The following PARD3B variants were observed in gnomAD, a reference collection of about 807,000 sequenced individuals.
PARD3B encodes the protein par-3 family cell polarity regulator beta.
In PARD3B, 103 loss-of-function variants were observed where a neutral mutation model predicts 130.2. The ratio of observed to expected loss-of-function variants is 0.79; its 90% CI spans 0.67 to 0.93. The LOEUF (loss-of-function observed/expected upper bound fraction) is 0.93, where lower values mean the gene tolerates loss of function less well. Ranked by LOEUF, PARD3B falls within the 40% of genes least tolerant of loss-of-function variation. The pLI, the probability that PARD3B is intolerant of heterozygous loss-of-function variation, is 0.00. For synonymous variants in PARD3B, 583 were observed against 553.2 expected, an observed-to-expected ratio of 1.05 and a Z score of -0.76; for missense variants, 1,609 against 1,499.2, an observed-to-expected ratio of 1.07 and a Z score of -1.21.
At chr2:205,613,579 G>A (rs1174922650) in intron 22 of PARD3B, among the ~76,000 whole-genome samples, 3 of 152,200 alleles carry the variant, frequency 2.0e-5, no homozygotes, top group Non-Finnish European at 4.4e-5. Flanking sequence ...TGTCATGGGC[G>A]ATTTAAAATA....
chr2:205,547,345 T>A (rs1038278382), intron 21 of PARD3B, among the ~76,000 whole-genome samples: 2 of 152,164 alleles, frequency 1.3e-5, no homozygotes, highest in African/African-American at 4.8e-5. Flanking sequence ...ACCATCTCAT[T>A]GCCGATTCCA....
chr2:205,051,075 G>T (rs942904734), intron 4 of PARD3B, among the ~76,000 whole-genome samples: 6 of 152,096 alleles, frequency 3.9e-5, no homozygotes, highest in Admixed American at 3.9e-4. Context: ...AGGAAACCTT[G>T]GGAACATAAC....
At position 205,121,407 on chromosome 2, in the gene PARD3B, G is replaced by A. The variant is rs2030699876; in HGVS notation, c.807-184G>A. On this transcript the variant is annotated intron_variant, in intron 7 of 22. Transcript: ENST00000406610. The surrounding 1 kb of genome is among the most constrained non-coding windows in gnomAD (Gnocchi z 5.0). ...AATGCATGTATAAGCTAGTGCAGGG[G>A]CACCTAGTGCAAATAGTAAGTGGTA... 6.6e-6 allele frequency among the ~76,000 whole-genome samples: 1 copy of A among 152,166 alleles called. No individual in the cohort carries two copies. The highest frequency in any genetic ancestry group is 2.4e-5 in the African/African-American group (1 of 41,446).
At chr2:205,057,521 G>A (rs60055320) in intron 4 of PARD3B, among the ~76,000 whole-genome samples, 64,138 of 127,712 alleles carry the variant, frequency 0.5, 17,468 homozygotes, top group Admixed American at 0.57. Context: ...GTATGTGCAT[G>A]TGTATATATA....
chr2:204,775,736 C>G (rs955634737), intron 2 of PARD3B, among the ~76,000 whole-genome samples: 2 of 152,166 alleles, frequency 1.3e-5, no homozygotes, highest in Non-Finnish European at 2.9e-5. Context: ...ACTTGGCTGT[C>G]TCTTCTAGTT....
intron 18 of PARD3B, among the ~76,000 whole-genome samples, chr2:205,365,162 T>A (rs758041432): frequency 3.6e-4 from 53 of 146,858 alleles, no homozygotes; most frequent in Non-Finnish European, 7.1e-4. Context: ...ATAGTGCCAT[T>A]GTACTCCAGC....
In PARD3B at chr2:205,589,514, C is replaced by T. The variant is rs2106593296; in HGVS notation, c.3261-25942C>T. On this transcript the variant is annotated intron_variant, in intron 22 of 22. Coordinates refer to ENST00000406610, the MANE Select transcript of PARD3B (RefSeq NM_001302769.2). This position sits in a 1 kb window ranked among gnomAD's most constrained non-coding sequence, Gnocchi z 4.1. ...CTAATCAAGGTGCATGTTTCTGTGT[C>T]TGGAAGTAGGAGCAGGCTGGAAGAG... 6.6e-6 allele frequency among the ~76,000 whole-genome samples: 1 copy of T among 152,242 alleles called. No individual in the cohort carries two copies. The highest frequency in any genetic ancestry group is 2.4e-5 in the African/African-American group (1 of 41,546).
At chr2:204,771,662 T>A (rs963815979) in intron 2 of PARD3B, among the ~76,000 whole-genome samples, 6 of 152,084 alleles carry the variant, frequency 3.9e-5, no homozygotes, top group African/African-American at 1.4e-4. Context: ...ACCCCCTGAA[T>A]CTAAAATAAA....
At position 204,958,265 on chromosome 2, in the gene PARD3B, C is replaced by T. The variant is rs559598332; in HGVS notation, c.223-6887C>T. ...GCTACAGGTTGGCAACAGAATAAAC[C>T]ACACCATGAATATTGAGAGACTCTG... On this transcript the variant is annotated intron_variant, in intron 2 of 22. Coordinates refer to ENST00000406610, the MANE Select transcript of PARD3B (RefSeq NM_001302769.2). 1.8e-4 allele frequency among the ~76,000 whole-genome samples: 27 copies of T among 152,186 alleles called. No homozygotes were observed. In the South Asian group the frequency reaches 5.6e-3, roughly 32 times the overall value.
At position 205,250,732 on chromosome 2, in the gene PARD3B, C is replaced by A. The variant is rs142908744; in HGVS notation, c.2185+4910C>A. 2.6e-5 allele frequency among the ~76,000 whole-genome samples: 4 copies of A among 152,140 alleles called. No individual in the cohort carries two copies. In the East Asian group the frequency reaches 7.7e-4, roughly 29 times the overall value. On this transcript the variant is annotated intron_variant, in intron 16 of 22. Transcript: ENST00000406610. ...TCATTTGAGATCAGGAGTTTGAGAC[C>A]AGCCTGGACAACATAGTGAAACCCC...
chr2:204,983,853 G>A (rs944202047), intron 3 of PARD3B, among the ~76,000 whole-genome samples: 2 of 152,118 alleles, frequency 1.3e-5, no homozygotes, highest in Non-Finnish European at 1.5e-5. Context: ...GTCCAATTCA[G>A]TATATAAGTA....
intron 2 of PARD3B, among the ~76,000 whole-genome samples, chr2:204,944,218 C>T (rs1689135512): frequency 6.6e-6 from 1 of 152,142 alleles, no homozygotes; most frequent in Non-Finnish European, 1.5e-5. Flanking sequence ...GAAAGCAGGA[C>T]ACATTTTTAA....
At chr2:205,538,235 A>G (rs990768109) in intron 21 of PARD3B, among the ~76,000 whole-genome samples, 2 of 152,338 alleles carry the variant, frequency 1.3e-5, no homozygotes, top group East Asian at 3.9e-4. Flanking sequence ...AGAAAATAAA[A>G]AGAGAATAGT....
Position 205,146,245 on chromosome 2 carries a change from C to G in PARD3B, c.1435-12477C>G, listed in dbSNP as rs565717408. On this transcript the variant is annotated intron_variant, in intron 10 of 22. Coordinates refer to ENST00000406610, the MANE Select transcript of PARD3B (RefSeq NM_001302769.2). The surrounding 1 kb of genome is among the most constrained non-coding windows in gnomAD (Gnocchi z 4.3). ...ATGTTACATGCAGGTAGCCTGGCAT[C>G]AAAGAATTTGTGATAGCAAAGATAT... 1.3e-5 allele frequency among the ~76,000 whole-genome samples: 2 copies of G among 152,294 alleles called. No individual in the cohort carries two copies. Among genetic ancestry groups the G allele is most frequent in the Admixed American group, 6.5e-5 (1 of 15,300 alleles).
intron 15 of PARD3B, among the ~76,000 whole-genome samples, chr2:205,240,575 G>A (rs974261275): frequency 2.0e-5 from 3 of 152,140 alleles, no homozygotes; most frequent in Non-Finnish European, 4.4e-5. Flanking sequence ...TCGTGATATA[G>A]TGTTGGCATT....
intron 10 of PARD3B, among the ~76,000 whole-genome samples, chr2:205,138,454 A>G (rs1268000942): frequency 6.6e-6 from 1 of 152,164 alleles, no homozygotes; most frequent in Non-Finnish European, 1.5e-5. Context: ...TTAGACATCT[A>G]CAATCTGAAT....
chr2:205,462,974 C>G (rs1156770344), intron 20 of PARD3B, among the ~76,000 whole-genome samples: 1 of 152,058 alleles, frequency 6.6e-6, no homozygotes, highest in East Asian at 1.9e-4. Context: ...GGATTGTGCC[C>G]CTATCTGACA....
At chr2:204,779,318 C>G (rs1242773424) in intron 2 of PARD3B, among the ~76,000 whole-genome samples, 1 of 152,146 alleles carries the variant, frequency 6.6e-6, no homozygotes, top group Non-Finnish European at 1.5e-5. Flanking sequence ...AGTGCAGTGT[C>G]TAATACATAG....
intron 1 of PARD3B, among the ~76,000 whole-genome samples, chr2:204,609,908 A>C (rs1183637400): frequency 6.6e-6 from 1 of 152,178 alleles, no homozygotes. Flanking sequence ...AGAAGGCTTT[A>C]TAGGGTCATT....
Sources: gnomAD v4.1 joint callset for allele counts (sites outside exome capture counted in the v4.1 genomes callset) on GRCh38, gnomAD v4.1.1 for gene constraint, Gnocchi (gnomAD v3.1) non-coding constraint, MANE v1.5 for transcripts, NCBI Gene and HGNC (gene_info 2026-07-23, HGNC 2026-07-21) for gene names.